The following FARS2 variants were observed in gnomAD, a reference collection of about 807,000 sequenced individuals.
FARS2 encodes phenylalanyl-tRNA synthetase 2, mitochondrial, also known as phenylalanine--tRNA ligase, mitochondrial.
FARS2 carries 40 observed loss-of-function variants against 46.4 expected under a neutral mutation model. The ratio of observed to expected loss-of-function variants is 0.86; its 90% CI spans 0.67 to 1.12. The LOEUF is 1.12. FARS2 is among the 50% of genes most tolerant of loss of function. The probability of loss-of-function intolerance (pLI) is 0.00; values close to 1 mark genes in which losing one functional copy is unlikely to be tolerated. For missense variants in FARS2, 513 were observed against 567.9 expected (o/e 0.90, Z 0.98); for synonymous variants, 234 against 214.9 (o/e 1.09, Z -0.78).
intron 3 of FARS2, among the ~76,000 whole-genome samples, chr6:5,426,699 C>T (rs1562032085): frequency 2.0e-5 from 3 of 152,290 alleles, no homozygotes; most frequent in South Asian, 4.1e-4. Context: ...AATCTTGGCT[C>T]ACCGCAACCT....
At chr6:5,365,901 T>A (rs1758645723) in intron 1 of FARS2, among the ~76,000 whole-genome samples, 1 of 152,174 alleles carries the variant, frequency 6.6e-6, no homozygotes, top group African/African-American at 2.4e-5. Context: ...ATTTATTAAG[T>A]GGAAGTAGAT....
intron 1 of FARS2, among the ~76,000 whole-genome samples, chr6:5,305,297 T>A (rs913430468): frequency 6.6e-6 from 1 of 152,244 alleles, no homozygotes; most frequent in Non-Finnish European, 1.5e-5. Context: ...TCCTAAAATG[T>A]CTAGCACATT....
At chr6:5,755,038 C>G (rs1357221986) in intron 6 of FARS2, among the ~76,000 whole-genome samples, 1 of 152,044 alleles carries the variant, frequency 6.6e-6, no homozygotes, top group Non-Finnish European at 1.5e-5. Context: ...GTTTCTTAAC[C>G]TGTTTTATAT....
chr6:5,582,577 G>A (rs1773398102), intron 5 of FARS2, among the ~76,000 whole-genome samples: 1 of 152,138 alleles, frequency 6.6e-6, no homozygotes, highest in Admixed American at 6.5e-5. Flanking sequence ...GCTTTTTTAG[G>A]TATCAAAAGC....
intron 6 of FARS2, among the ~76,000 whole-genome samples, chr6:5,682,510 C>T (rs1004545119): frequency 6.6e-6 from 1 of 152,220 alleles, no homozygotes; most frequent in Non-Finnish European, 1.5e-5. Flanking sequence ...GAAGGGAACA[C>T]TGAATGTGTC....
chr6:5,546,300 G>A (rs1296239645), intron 5 of FARS2, among the ~76,000 whole-genome samples: 5 of 149,046 alleles, frequency 3.4e-5, no homozygotes, highest in Non-Finnish European at 7.4e-5. Context: ...TCTGTCGCCT[G>A]GGCTGGAGTG....
chr6:5,316,690 G>A (rs1016760893), intron 1 of FARS2, among the ~76,000 whole-genome samples: 13 of 152,276 alleles, frequency 8.5e-5, no homozygotes, highest in Admixed American at 5.2e-4. Context: ...GCCCAGAGCC[G>A]CCACACTTTC....
chr6:5,414,877 G>A (rs1026684956), intron 3 of FARS2, among the ~76,000 whole-genome samples: 7 of 134,852 alleles, frequency 5.2e-5, no homozygotes, highest in African/African-American at 1.4e-4. Context: ...GTGCAGCATC[G>A]CGATCTCGGC....
chr6:5,425,180 TA>T (rs1359887390), intron 3 of FARS2, among the ~76,000 whole-genome samples: 1 of 152,174 alleles, frequency 6.6e-6, no homozygotes, highest in Non-Finnish European at 1.5e-5. Flanking sequence ...CAGTTAATTT[TA>T]AAAAATTATT....
At chr6:5,523,392 G>T (rs887436360) in intron 4 of FARS2, among the ~76,000 whole-genome samples, 1 of 151,996 alleles carries the variant, frequency 6.6e-6, no homozygotes, top group Non-Finnish European at 1.5e-5. Flanking sequence ...ACCAGCATGG[G>T]TGTGACCAGT....
At chr6:5,460,679 C>T (rs1187054994) in intron 4 of FARS2, among the ~76,000 whole-genome samples, 4 of 152,150 alleles carry the variant, frequency 2.6e-5, no homozygotes, top group Non-Finnish European at 5.9e-5. Flanking sequence ...CCTCTTGATA[C>T]CCATGAAGCT....
At chr6:5,642,904 C>G (rs564539343) in intron 6 of FARS2, among the ~76,000 whole-genome samples, 24 of 152,216 alleles carry the variant, frequency 1.6e-4, no homozygotes, top group Non-Finnish European at 2.8e-4. Flanking sequence ...CCACTGGATC[C>G]TGATACCCCA....
chr6:5,510,981 G>A (rs147580199), intron 4 of FARS2, among the ~76,000 whole-genome samples: 2 of 152,300 alleles, frequency 1.3e-5, no homozygotes, highest in East Asian at 3.9e-4. Context: ...GGGCTTGCGG[G>A]GATCCTGAGG....
chr6:5,507,164 C>CA (rs939376503), intron 4 of FARS2, among the ~76,000 whole-genome samples: 1 of 152,002 alleles, frequency 6.6e-6, no homozygotes, highest in South Asian at 2.1e-4. Context: ...AATTTGGCAG[C>CA]AAAAAAAGTG....
At chr6:5,386,119 AG>A (rs1760118043) in intron 2 of FARS2, among the ~76,000 whole-genome samples, 1 of 152,210 alleles carries the variant, frequency 6.6e-6, no homozygotes, top group South Asian at 2.1e-4. Context: ...GGCACGGAAG[AG>A]GGAGAGCTCT....
At chr6:5,645,461 C>T (rs567466017) in intron 6 of FARS2, among the ~76,000 whole-genome samples, 43 of 152,336 alleles carry the variant, frequency 2.8e-4, no homozygotes, top group Admixed American at 9.1e-4. Flanking sequence ...CAAGCTCCTC[C>T]TCTGTCCCCA....
chr6:5,353,161 G>T (rs1457153936), intron 1 of FARS2, among the ~76,000 whole-genome samples: 1 of 152,080 alleles, frequency 6.6e-6, no homozygotes, highest in East Asian at 1.9e-4. Context: ...TGTGATTTTT[G>T]TCTTTCTGTG....
intron 6 of FARS2, among the ~76,000 whole-genome samples, chr6:5,703,097 T>A (rs1001568): frequency 0.39 from 59,920 of 152,050 alleles, 12,285 homozygotes; most frequent in East Asian, 0.68. Context: ...GGAAACAAAT[T>A]ACTTTTTTTA....
rs1171325752 is a variant in FARS2 at position 5,410,149 on chromosome 6, G to GTTTTTTTTTTTTT, written c.772+5455_772+5456insTTTTTTTTTTTTT. Among the ~76,000 whole-genome samples, 10 of 120,538 alleles carry GTTTTTTTTTTTTT rather than the reference G, an allele frequency of 8.3e-5. 1 individual carries two copies. The highest frequency in any genetic ancestry group is 2.1e-4 in the African/African-American group (6 of 28,372). The allele number at this position is 120,538 out of a possible 152,430, so 79.1% of individuals were successfully genotyped here. On this transcript the variant is annotated intron_variant, in intron 3 of 6. Transcript: ENST00000274680. ...AGAAAAGTGCTTTGTTCGTTTTTGT[G>GTTTTTTTTTTTTT]TTTTTTTGTTTTTTTTTTTTTTGAG...
Sources: allele counts gnomAD v4.1 joint callset (sites outside exome capture counted in the v4.1 genomes callset), GRCh38; gene constraint gnomAD v4.1.1; transcripts MANE v1.5; gene names NCBI Gene and HGNC (gene_info 2026-07-23, HGNC 2026-07-21).